The following FHIT variants were observed in gnomAD, a reference collection of about 807,000 sequenced individuals.
FHIT encodes fragile histidine triad diadenosine triphosphatase, also known as bis(5'-adenosyl)-triphosphatase.
In FHIT, 19 loss-of-function variants were observed where a neutral mutation model predicts 17.9. The observed-to-expected ratio is 1.06, with a 90% CI of 0.74 to 1.56. The LOEUF (loss-of-function observed/expected upper bound fraction) is 1.56, where lower values mean the gene tolerates loss of function less well. Among genes scored for constraint, FHIT ranks in the 40% most tolerant of loss-of-function variants. FHIT has a pLI of 0.00. For synonymous variants in FHIT, 81 were observed against 69.7 expected (o/e 1.16, Z -0.81); for missense variants, 248 against 189.2 (o/e 1.31, Z -1.82).
chr3:60,178,558 C>A (rs531460176), intron 5 of FHIT, among the ~76,000 whole-genome samples: 16 of 152,164 alleles, frequency 1.1e-4, no homozygotes, highest in Middle Eastern at 3.4e-3. Flanking sequence ...TGCACTCCAG[C>A]CTGGACGACA....
intron 2 of FHIT, among the ~76,000 whole-genome samples, chr3:61,167,973 G>A (rs2037891312): frequency 6.6e-6 from 1 of 152,158 alleles, no homozygotes; most frequent in African/African-American, 2.4e-5. Flanking sequence ...TCTATATCCA[G>A]TAACTATATC....
intron 4 of FHIT, among the ~76,000 whole-genome samples, chr3:60,759,175 CAAT>C (rs1699549009): frequency 1.3e-5 from 2 of 152,022 alleles, no homozygotes; most frequent in Non-Finnish European, 2.9e-5. Context: ...TATTTTGAGA[CAAT>C]AAGTTTTTAT....
chr3:60,698,399 G>T (rs781979772), intron 4 of FHIT, among the ~76,000 whole-genome samples: 2 of 152,140 alleles, frequency 1.3e-5, no homozygotes, highest in Non-Finnish European at 2.9e-5. Context: ...GCTTCTATCA[G>T]AAAGGTGTGC....
intron 4 of FHIT, among the ~76,000 whole-genome samples, chr3:60,550,840 T>G (rs2036521949): frequency 6.6e-6 from 1 of 152,136 alleles, no homozygotes; most frequent in East Asian, 1.9e-4. Flanking sequence ...TCATGTAGTA[T>G]TCTAGGCACA....
chr3:60,204,213 G>T (rs1435311811), intron 5 of FHIT, among the ~76,000 whole-genome samples: 1 of 152,000 alleles, frequency 6.6e-6, no homozygotes, highest in African/African-American at 2.4e-5. Context: ...TACCTACTAT[G>T]TACCCGTGAA....
chr3:60,874,190 G>C (rs1553755728), intron 3 of FHIT, among the ~76,000 whole-genome samples: 2 of 152,204 alleles, frequency 1.3e-5, no homozygotes, highest in African/African-American at 4.8e-5. Context: ...GCTGTCGTTA[G>C]AATTTTAAAA....
intron 5 of FHIT, among the ~76,000 whole-genome samples, chr3:60,493,949 G>A (rs1238729648): frequency 6.6e-6 from 1 of 152,066 alleles, no homozygotes; most frequent in Non-Finnish European, 1.5e-5. Flanking sequence ...TTAGAATTGA[G>A]ACATGCTTTG....
chr3:59,798,992 T>A (rs1699888623), intron 8 of FHIT, among the ~76,000 whole-genome samples: 1 of 152,236 alleles, frequency 6.6e-6, no homozygotes, highest in Non-Finnish European at 1.5e-5. Flanking sequence ...GAAAGCCTTG[T>A]GCATGCCCAG....
intron 5 of FHIT, among the ~76,000 whole-genome samples, chr3:60,043,279 A>G (rs1701517836): frequency 6.6e-6 from 1 of 152,224 alleles, no homozygotes; most frequent in African/African-American, 2.4e-5. Context: ...AACCCATGAT[A>G]ATACTTTTAA....
intron 4 of FHIT, among the ~76,000 whole-genome samples, chr3:60,798,654 G>T (rs1226090498): frequency 1.3e-5 from 2 of 151,260 alleles, no homozygotes; most frequent in African/African-American, 4.9e-5. Flanking sequence ...AGGCCCTACT[G>T]TCTTGAATTA....
chr3:60,132,052 G>T lies in FHIT; in HGVS notation c.104-117900C>A, dbSNP rs568821296. 3.7e-4 allele frequency among the ~76,000 whole-genome samples: 57 copies of T among 152,232 alleles called. 1 individual carries two copies. The highest frequency in any genetic ancestry group is 3.4e-3 in the Middle Eastern group (1 of 294). ...ACATACCCTGGCTCCTTGATTTGGA[G>T]TGCTCTCTCTCCATCTGCCTTCTAC... On this transcript the variant is annotated intron_variant, in intron 5 of 9. Coordinates refer to ENST00000492590, the MANE Select transcript of FHIT (RefSeq NM_002012.4).
chr3:60,306,735 AAAAC>A (rs965814657), intron 5 of FHIT, among the ~76,000 whole-genome samples: 2 of 152,176 alleles, frequency 1.3e-5, no homozygotes, highest in African/African-American at 2.4e-5. Context: ...TATAAAATAA[AAAAC>A]AAACACATTA....
intron 4 of FHIT, among the ~76,000 whole-genome samples, chr3:60,725,802 A>G (rs797033158): frequency 2.0e-5 from 3 of 152,310 alleles, no homozygotes; most frequent in African/African-American, 7.2e-5. Context: ...CAGACACTAC[A>G]CTTGCATTTA....
chr3:59,971,313 T>C (rs532796592), intron 7 of FHIT, among the ~76,000 whole-genome samples: 1 of 152,128 alleles, frequency 6.6e-6, no homozygotes, highest in Non-Finnish European at 1.5e-5. Flanking sequence ...TTCTCAAAAA[T>C]GTGAACACAC....
At chr3:59,840,615 A>G (rs1484294358) in intron 8 of FHIT, among the ~76,000 whole-genome samples, 1 of 152,102 alleles carries the variant, frequency 6.6e-6, no homozygotes. Context: ...TACATTTATA[A>G]TTTTGTGTGT....
intron 7 of FHIT, among the ~76,000 whole-genome samples, chr3:59,939,614 G>C (rs78990401): frequency 6.6e-6 from 1 of 152,206 alleles, no homozygotes; most frequent in Admixed American, 6.5e-5. Flanking sequence ...TACTTGACAT[G>C]TGAAAAAATG....
chr3:60,373,250 T>C (rs2107069420), intron 5 of FHIT, among the ~76,000 whole-genome samples: 1 of 152,206 alleles, frequency 6.6e-6, no homozygotes, highest in South Asian at 2.1e-4. Context: ...AGCCCAGTCC[T>C]TGGGTGGGGA....
chr3:60,571,412 C>T (rs561689150), intron 4 of FHIT, among the ~76,000 whole-genome samples: 20 of 142,134 alleles, frequency 1.4e-4, no homozygotes, highest in South Asian at 9.1e-4. Context: ...AAAAAAATTG[C>T]CATCCAGGGG....
intron 4 of FHIT, among the ~76,000 whole-genome samples, chr3:60,686,510 A>G (rs781972468): frequency 9.9e-5 from 15 of 151,878 alleles, no homozygotes; most frequent in Non-Finnish European, 1.9e-4. Context: ...GAATTATCCC[A>G]TAGGAACCTG....
Sources: allele counts gnomAD v4.1 joint callset (sites outside exome capture counted in the v4.1 genomes callset), GRCh38; gene constraint gnomAD v4.1.1; transcripts MANE v1.5; gene names NCBI Gene and HGNC (gene_info 2026-07-23, HGNC 2026-07-21).